ASTN2: variants seen among roughly 807,000 people sequenced by gnomAD.
ASTN2 encodes the protein astrotactin 2.
Under a neutral mutation model 139.8 loss-of-function variants are expected in ASTN2, and 54 were observed. That is an observed-to-expected ratio of 0.39 (90% confidence interval 0.31 to 0.48). The LOEUF is 0.48. Among genes scored for constraint, ASTN2 ranks in the 20% least tolerant of loss-of-function variants. The pLI, the probability that ASTN2 is intolerant of heterozygous loss-of-function variation, is 0.95. For synonymous variants in ASTN2, 756 were observed against 719.5 expected (o/e 1.05, Z -0.81); for missense variants, 1,565 against 1,725.1 (o/e 0.91, Z 1.64).
chr9:116,473,009 T>TA (rs1848864937), intron 20 of ASTN2, among the ~76,000 whole-genome samples: 1 of 152,176 alleles, frequency 6.6e-6, no homozygotes, highest in African/African-American at 2.4e-5. Context: ...CTTCCCATCT[T>TA]AGTTTCCTTG....
intron 19 of ASTN2, chr9:116,581,835 T>C (rs1015440290): frequency 1.3e-5 from 2 of 152,252 alleles, no homozygotes; most frequent in Non-Finnish European, 2.9e-5. Context: ...TGTAGGAGTT[T>C]AAGTTTATTC....
At chr9:116,467,308 C>CCAGG (rs990892739) in intron 20 of ASTN2, among the ~76,000 whole-genome samples, 1 of 152,062 alleles carries the variant, frequency 6.6e-6, no homozygotes, top group Non-Finnish European at 1.5e-5. Flanking sequence ...CGCTCTGTCA[C>CCAGG]CAGGCTGGAG....
At chr9:116,724,146 C>T (rs960942017) in intron 16 of ASTN2, among the ~76,000 whole-genome samples, 1 of 152,176 alleles carries the variant, frequency 6.6e-6, no homozygotes, top group African/African-American at 2.4e-5. Flanking sequence ...GTTATGTAGC[C>T]ACAGTGAGTG....
intron 2 of ASTN2, among the ~76,000 whole-genome samples, chr9:117,285,518 G>A (rs910939021): frequency 2.6e-5 from 4 of 152,106 alleles, no homozygotes; most frequent in Non-Finnish European, 5.9e-5. Flanking sequence ...TACTGAATAA[G>A]AATGGTAGTA....
At chr9:116,444,423 A>C (rs1011600411) in intron 20 of ASTN2, among the ~76,000 whole-genome samples, 2 of 152,230 alleles carry the variant, frequency 1.3e-5, no homozygotes, top group African/African-American at 4.8e-5. Flanking sequence ...GATTTAAAAA[A>C]TTAAGCAATG....
intron 5 of ASTN2, among the ~76,000 whole-genome samples, chr9:117,059,649 C>T (rs932220859): frequency 2.0e-5 from 3 of 151,864 alleles, no homozygotes; most frequent in Non-Finnish European, 4.4e-5. Context: ...CAAACAAAAA[C>T]CCCACCACCA....
At chr9:117,247,965 C>A (rs987720072) in intron 2 of ASTN2, among the ~76,000 whole-genome samples, 3 of 152,192 alleles carry the variant, frequency 2.0e-5, no homozygotes, top group African/African-American at 7.2e-5. Context: ...CTCTCAGCGA[C>A]CCCTGCACAG....
intron 1 of ASTN2, among the ~76,000 whole-genome samples, chr9:117,373,401 T>C (rs1564172127): frequency 6.6e-6 from 1 of 152,198 alleles, no homozygotes; most frequent in Non-Finnish European, 1.5e-5. Flanking sequence ...GTTATCTTTA[T>C]TTTGGCTTCC....
chr9:117,065,756 A>G (rs544566001), intron 5 of ASTN2, among the ~76,000 whole-genome samples: 60 of 152,314 alleles, frequency 3.9e-4, no homozygotes, highest in South Asian at 1.0e-3. Flanking sequence ...ATGCCTATCT[A>G]TCAACCTTTC....
At chr9:116,462,135 C>T (rs976486536) in intron 20 of ASTN2, among the ~76,000 whole-genome samples, 1 of 152,192 alleles carries the variant, frequency 6.6e-6, no homozygotes, top group Non-Finnish European at 1.5e-5. Flanking sequence ...CTAAAGACCA[C>T]TCTCTTTCTG....
chr9:116,981,802 T>C (rs1157764200), intron 7 of ASTN2, among the ~76,000 whole-genome samples: 1 of 152,202 alleles, frequency 6.6e-6, no homozygotes, highest in African/African-American at 2.4e-5. Context: ...ATTAAAAACA[T>C]ACATGTATAT....
chr9:117,007,664 T>G (rs1179312171), intron 7 of ASTN2, among the ~76,000 whole-genome samples: 3 of 152,198 alleles, frequency 2.0e-5, no homozygotes, highest in Non-Finnish European at 4.4e-5. Flanking sequence ...AGTGAATTAA[T>G]GAATATGCTG....
In ASTN2 at chr9:117,307,845, C is replaced by A. The variant is rs144677233; in HGVS notation, c.443-16332G>T. 2.7e-3 allele frequency among the ~76,000 whole-genome samples: 405 copies of A among 152,278 alleles called. 4 individuals are homozygous for A. Among genetic ancestry groups the A allele is most frequent in the African/African-American group, 9.2e-3 (383 of 41,558 alleles). ...ATCTCTGGATCTTTCTTCCTAGAGG[C>A]CACGTTTTGCACTCAAACAGAAAGA... On this transcript the variant is annotated intron_variant, in intron 1 of 22. Transcript: ENST00000313400.
chr9:116,474,842 G>A (rs1290525899), intron 20 of ASTN2, among the ~76,000 whole-genome samples: 2 of 152,212 alleles, frequency 1.3e-5, no homozygotes, highest in Non-Finnish European at 2.9e-5. Context: ...TGCAGCCTAG[G>A]TGGGGCTTGT....
At chr9:117,410,818 C>T (rs184494828) in intron 1 of ASTN2, among the ~76,000 whole-genome samples, 1 of 152,264 alleles carries the variant, frequency 6.6e-6, no homozygotes, top group Admixed American at 6.5e-5. Context: ...AAATAAAATG[C>T]CCTTTGACAT....
chr9:116,675,315 A>G (rs1442812647), intron 16 of ASTN2, among the ~76,000 whole-genome samples: 1 of 152,096 alleles, frequency 6.6e-6, no homozygotes, highest in Non-Finnish European at 1.5e-5. Flanking sequence ...TGGATTGGTG[A>G]CTATCCTAGG....
At chr9:116,749,643 T>C (rs186695616) in intron 13 of ASTN2, among the ~76,000 whole-genome samples, 2 of 152,278 alleles carry the variant, frequency 1.3e-5, no homozygotes, top group East Asian at 3.9e-4. Context: ...ACTGATATGG[T>C]TTGGATGTTT....
In ASTN2 at chr9:116,586,815, CACACACACACATACAT is replaced by C. The variant is rs776953695; in HGVS notation, c.3355+31493_3355+31508del. 1.1e-3 allele frequency among the ~76,000 whole-genome samples: 81 copies of C among 76,744 alleles called. 1 individual carries two copies. The highest frequency in any genetic ancestry group is 1.6e-3 in the Non-Finnish European group (59 of 37,312). The allele number at this position is 76,744 out of a possible 152,430, so 50.3% of individuals were successfully genotyped here. A position where few individuals can be genotyped will look rare whatever the true frequency, so the allele number is the denominator to read the frequency against. On this transcript the variant is annotated intron_variant, in intron 19 of 22. Coordinates refer to ENST00000313400, the MANE Select transcript of ASTN2 (RefSeq NM_001365068.1). ...AATCTAAAATACCAGTTGAAATTCA[CACACACACACATACAT>C]ACACACACACACACACACACACACA...
At chr9:116,601,779 G>C (rs1463749986) in intron 19 of ASTN2, among the ~76,000 whole-genome samples, 1 of 152,206 alleles carries the variant, frequency 6.6e-6, no homozygotes, top group Non-Finnish European at 1.5e-5. Context: ...TGAATTGCTT[G>C]TGAGATATCG....
Sources: gnomAD v4.1 joint callset for allele counts (sites outside exome capture counted in the v4.1 genomes callset) on GRCh38, gnomAD v4.1.1 for gene constraint, MANE v1.5 for transcripts, NCBI Gene and HGNC (gene_info 2026-07-23, HGNC 2026-07-21) for gene names.